The following LPA variants were observed in gnomAD, a reference collection of about 807,000 sequenced individuals.
The protein encoded by LPA is apolipoprotein(a).
LPA carries 199 observed loss-of-function variants against 197.9 expected under a neutral mutation model. That is an observed-to-expected ratio of 1.01 (90% CI 0.90 to 1.13). The LOEUF (loss-of-function observed/expected upper bound fraction) is 1.13, where lower values mean the gene tolerates loss of function less well. Among genes scored for constraint, LPA ranks in the 50% most tolerant of loss-of-function variants. The probability of loss-of-function intolerance (pLI) is 0.00; values close to 1 mark genes in which losing one functional copy is unlikely to be tolerated. For synonymous variants in LPA, 715 were observed against 639.5 expected, an observed-to-expected ratio of 1.12 and a Z score of -1.78; for missense variants, 1,853 against 1,785.8, an observed-to-expected ratio of 1.04 and a Z score of -0.68.
chr6:160,594,600 G>T (rs553337243), intron 21 of LPA, among the ~76,000 whole-genome samples: 2 of 152,194 alleles, frequency 1.3e-5, no homozygotes, highest in Admixed American at 6.5e-5. Context: ...TCTAGGACTC[G>T]TAGGCAAAGA....
chr6:160,576,367 C>CAT (rs1158223888), intron 28 of LPA, among the ~76,000 whole-genome samples: 5 of 78,030 alleles, frequency 6.4e-5, no homozygotes, highest in Admixed American at 1.9e-4. Flanking sequence ...TATATATATA[C>CAT]ATATATATAT....
chr6:160,650,225 T>A, intron 2 of LPA, 113 bp downstream of exon 2: 1 of 983,808 alleles, frequency 1.0e-6, no homozygotes, highest in Non-Finnish European at 1.6e-6. Flanking sequence ...CATTTTGCCA[T>A]GCATTCTATG....
chr6:160,591,963 G>T (rs1412316886), intron 22 of LPA, among the ~76,000 whole-genome samples: 2 of 152,076 alleles, frequency 1.3e-5, no homozygotes, highest in East Asian at 3.9e-4. Flanking sequence ...TTTGAAATCA[G>T]ACAATTTAAC....
intron 28 of LPA, among the ~76,000 whole-genome samples, chr6:160,560,653 C>T (rs185586256): frequency 6.6e-6 from 1 of 151,230 alleles, no homozygotes; most frequent in East Asian, 1.9e-4. Context: ...TTTTCTTGTA[C>T]ATTTGTTTAA....
chr6:160,609,675 C>T (rs1386625055), intron 16 of LPA, among the ~76,000 whole-genome samples: 1 of 151,992 alleles, frequency 6.6e-6, no homozygotes, highest in Non-Finnish European at 1.5e-5. Flanking sequence ...GACTTGCTTC[C>T]CACATGCAGG....
chr6:160,548,432 A>C lies in LPA; in HGVS notation c.5155+46T>G, dbSNP rs1324889990. The C allele has an allele frequency of 1.9e-6, 3 of 1,590,788 alleles. No individual in the cohort carries two copies. The Admixed American group carries it at 5.0e-5, about 27-fold the overall frequency. On this transcript the variant is annotated intron_variant, in intron 31 of 38. Coordinates refer to ENST00000316300, the MANE Select transcript of LPA (RefSeq NM_005577.4). ...TGTCTTTTCATCCCGTTGTCCAAGC[A>C]CATAGAGAGGTATGTGCTAGACAAG...
chr6:160,653,474 T>C (rs1040034319), intron 1 of LPA, among the ~76,000 whole-genome samples: 1 of 145,538 alleles, frequency 6.9e-6, no homozygotes, highest in Non-Finnish European at 1.5e-5. Flanking sequence ...TTTTGAAGAG[T>C]ACATGAAAGT....
At chr6:160,557,939 T>A (rs1320942668) in intron 28 of LPA, among the ~76,000 whole-genome samples, 2 of 150,964 alleles carry the variant, frequency 1.3e-5, no homozygotes, top group Non-Finnish European at 3.0e-5. Flanking sequence ...TTTTTTTTTG[T>A]GACGGAGTCT....
In LPA at chr6:160,585,048, A is replaced by G; in HGVS notation, c.4287T>C (p.Asn1429=). ...TATGGCTAACATGATAGACATACGC[A>G]TTTGGATAGTATAATGGGATCCTCC... The part of the protein sequence containing the change: ...WHRRIPLYYP[N]AGLTRNYCRN... The change falls in exon 26 of 39, where the codon AAT becomes AAC. Residue 1429 remains asparagine, a splice_region_variant and synonymous_variant. Transcript: ENST00000316300. 1.9e-6 allele frequency: 3 copies of G among 1,613,662 alleles called. 1 individual carries two copies. In the South Asian group the frequency reaches 3.3e-5, roughly 18 times the overall value.
At chr6:160,647,430 A>T (rs1427477523) in intron 2 of LPA, among the ~76,000 whole-genome samples, 3 of 151,944 alleles carry the variant, frequency 2.0e-5, no homozygotes, top group Non-Finnish European at 2.9e-5. Context: ...GGCCATGGGG[A>T]TCCAACATTG....
chr6:160,540,244 GC>G (rs1777960422), intron 35 of LPA, 61 bp from the exon 36 acceptor site: 1 of 1,606,806 alleles, frequency 6.2e-7, no homozygotes, highest in Non-Finnish European at 8.5e-7. Flanking sequence ...TATCCTCTGT[GC>G]CATGAACTTG....
chr6:160,564,055 C>T (rs1453854556), intron 28 of LPA, among the ~76,000 whole-genome samples: 3 of 152,106 alleles, frequency 2.0e-5, no homozygotes, highest in Non-Finnish European at 2.9e-5. Context: ...GGGCATTTAG[C>T]CCATTTACAT....
At chr6:160,572,739 C>A (rs1039253530) in intron 28 of LPA, among the ~76,000 whole-genome samples, 1 of 152,178 alleles carries the variant, frequency 6.6e-6, no homozygotes, top group Non-Finnish European at 1.5e-5. Flanking sequence ...GGGCTCCAAT[C>A]CTTTATAGCT....
intron 28 of LPA, among the ~76,000 whole-genome samples, chr6:160,561,915 T>C (rs1318479334): frequency 1.3e-5 from 2 of 152,336 alleles, no homozygotes; most frequent in East Asian, 3.9e-4. Context: ...TGCACATTGA[T>C]TTTGTATCCT....
chr6:160,595,632 G>T, intron 20 of LPA, 97 bp from the exon 21 acceptor site: 6 of 1,564,428 alleles, frequency 3.8e-6, no homozygotes, highest in South Asian at 3.4e-5. Flanking sequence ...TGTAAAAAGA[G>T]ACTTTGAAAT....
intron 16 of LPA, among the ~76,000 whole-genome samples, chr6:160,607,945 T>G (rs1779393928): frequency 6.6e-6 from 1 of 152,184 alleles, no homozygotes; most frequent in Non-Finnish European, 1.5e-5. Context: ...TTATTAATAT[T>G]ACATACCATT....
chr6:160,593,501 AG>A (rs1779069880), intron 22 of LPA, among the ~76,000 whole-genome samples: 1 of 152,176 alleles, frequency 6.6e-6, no homozygotes, highest in South Asian at 2.1e-4. Context: ...CTCAGAACCC[AG>A]GTACAGGTTA....
rs923921398 is a variant in LPA, at chr6:160,557,414, T to A, written c.4789A>T (p.Ser1597Cys). Residue 1597 changes from serine (S) to cysteine (C), a missense_variant, in exon 29 of 39, where the codon AGC becomes TGC. Around this residue, in one of 3 missense-constraint regions of LPA, gnomAD observed 1,737 missense variants for 1,504.4 expected, o/e 1.15. Coordinates refer to ENST00000316300, the MANE Select transcript of LPA (RefSeq NM_005577.4). ...LETPTVVPVP[S>C]MEAHSEAAPT... ...CCTGCTTCAGAATGAGCCTCCATGC[T>A]TGGAACTGGAACAACAGTGGGAGTC... 6.2e-6 allele frequency: 10 copies of A among 1,614,036 alleles called. No homozygotes were observed. The South Asian group carries it at 7.7e-5, about 12-fold the overall frequency.
chr6:160,595,246 T>G, intron 21 of LPA, 108 bp downstream of exon 21: 1 of 1,392,028 alleles, frequency 7.2e-7, no homozygotes. Context: ...TGAGTCCACA[T>G]TCTACTTGGA....
Sources: allele counts gnomAD v4.1 joint callset (sites outside exome capture counted in the v4.1 genomes callset), GRCh38; gene constraint gnomAD v4.1.1; regional missense constraint gnomAD v4.1.1; transcripts MANE v1.5; gene names NCBI Gene and HGNC (gene_info 2026-07-23, HGNC 2026-07-21).